Variants in KCNH6 observed in about 807,000 individuals in gnomAD.
KCNH6 encodes potassium voltage-gated channel subfamily H member 6.
Under a neutral mutation model 83.4 loss-of-function variants are expected in KCNH6, and 81 were observed. The observed-to-expected ratio is 0.97, with a 90% CI of 0.81 to 1.17. The LOEUF (loss-of-function observed/expected upper bound fraction) is 1.17, where lower values mean the gene tolerates loss of function less well. Ranked by LOEUF, KCNH6 falls within the 50% of genes most tolerant of loss-of-function variation. The pLI is 0.00. For synonymous variants in KCNH6, 503 were observed against 545.6 expected, an observed-to-expected ratio of 0.92 and a Z score of 1.09; for missense variants, 1,203 against 1,290.5, an observed-to-expected ratio of 0.93 and a Z score of 1.04.
chr17:63,547,926 T>C (rs1267437756), downstream of KCNH6, among the ~76,000 whole-genome samples: 3 of 148,218 alleles, frequency 2.0e-5, no homozygotes, highest in African/African-American at 7.6e-5. Context: ...TTCATGCAAC[T>C]GTACTCCAGC....
Position 63,545,854 on chromosome 17 carries a change from C to T in KCNH6, c.2829C>T (p.Phe943=), listed in dbSNP as rs201808060. ...GCTCTGTTCCCAAGCAGCTGGACTT[C>T]CAGAGACATGGCTCAGATCCTGGAT... ...HLGSVPKQLD[F]QRHGSDPGFA... The change falls in exon 13 of 13, where the codon TTC becomes TTT. Residue 943 remains phenylalanine (F), a synonymous_variant. Transcript: ENST00000314672. 1.2e-6 allele frequency: 2 copies of T among 1,614,104 alleles called. No homozygotes were observed. Among genetic ancestry groups the T allele is most frequent in the South Asian group, 2.2e-5 (2 of 91,078 alleles).
chr17:63,523,578 G>A lies in KCNH6; in HGVS notation c.76+89G>A, dbSNP rs997432823. ...TGGACCCCTTTACTAACTTCTAACC[G>A]GGCAAGGTGGTGAGTGCCGGGTGCT... On this transcript the variant is annotated intron_variant, in intron 1 of 12. Coordinates refer to ENST00000314672, the MANE Select transcript of KCNH6 (RefSeq NM_001278919.2). This position sits in a 1 kb window ranked among gnomAD's most constrained non-coding sequence, Gnocchi z 4.2. 52 of 1,247,914 alleles carry A rather than the reference G, an allele frequency of 4.2e-5. No homozygotes were observed. Among genetic ancestry groups the A allele is most frequent in the Non-Finnish European group, 5.8e-5 (52 of 894,050 alleles). The allele number at this position is 1,247,914 out of a possible 1,614,324, so 77.3% of individuals were successfully genotyped here.
In KCNH6 at chr17:63,533,503, T is replaced by C. The variant is rs11654107; in HGVS notation, c.676-383T>C. 0.33 allele frequency among the ~76,000 whole-genome samples: 49,587 copies of C among 151,858 alleles called. 8,226 individuals are homozygous for C. The highest frequency in any genetic ancestry group is 0.41 in the Middle Eastern group (122 of 294). On this transcript the variant is annotated intron_variant, in intron 4 of 12. Coordinates refer to ENST00000314672, the MANE Select transcript of KCNH6 (RefSeq NM_001278919.2). This position sits in a 1 kb window ranked among gnomAD's most constrained non-coding sequence, Gnocchi z 4.1. ...AAGCTCACCAGAGAGGATCAGCCCA[T>C]CAGCTACCCCTTCTGTGGGCTCTTG...
At position 63,535,018 on chromosome 17, in the gene KCNH6, G is replaced by A. The variant is rs905484337; in HGVS notation, c.1102-651G>A. On this transcript the variant is annotated intron_variant, in intron 5 of 12. Coordinates refer to ENST00000314672, the MANE Select transcript of KCNH6 (RefSeq NM_001278919.2). This position sits in a 1 kb window ranked among gnomAD's most constrained non-coding sequence, Gnocchi z 4.9. Reference sequence around the variant, plus strand: ...CCATCACCAAACTTGCCAGTCTCCCGCCCCTCCACACAGCTGCCACAGCGA... The same window carrying A: ...CCATCACCAAACTTGCCAGTCTCCCACCCCTCCACACAGCTGCCACAGCGA... Among the ~76,000 whole-genome samples, 1 of 151,912 alleles carries A rather than the reference G, an allele frequency of 6.6e-6. No individual in the cohort carries two copies. Among genetic ancestry groups the A allele is most frequent in the Admixed American group, 6.6e-5 (1 of 15,264 alleles).
At position 63,534,155 on chromosome 17, in the gene KCNH6, C is replaced by T. The variant is rs754609560; in HGVS notation, c.945C>T (p.Ile315=). 1.7e-5 allele frequency: 28 copies of T among 1,602,362 alleles called. No homozygotes were observed. The highest frequency in any genetic ancestry group is 6.8e-5 in the African/African-American group (5 of 73,554). ...TGGACATCATGTTCGTCGTGGACAT[C>T]GTCATCAACTTCCGCACCACCTATG... ...LIVDIMFVVD[I]VINFRTTYVN... Residue 315 remains isoleucine, a synonymous_variant, in exon 5 of 13, where the codon ATC becomes ATT. Coordinates refer to ENST00000314672, the MANE Select transcript of KCNH6 (RefSeq NM_001278919.2). This position sits in a 1 kb window ranked among gnomAD's most constrained non-coding sequence, Gnocchi z 5.0.
rs2031986036 is a variant in KCNH6 at position 63,530,110 on chromosome 17, G to A, written c.327G>A (p.Leu109=). ...TCGCAGCCTCCAGCTTCCGCTGCCT[G>A]GTAGATGTGGTGCCCGTGAAGAACG... ...YRKDASSFRC[L]VDVVPVKNED... Residue 109 remains leucine (L), a synonymous_variant, in exon 3 of 13, where the codon CTG becomes CTA. Coordinates refer to ENST00000314672, the MANE Select transcript of KCNH6 (RefSeq NM_001278919.2). 1 of 1,613,546 alleles carries A rather than the reference G, an allele frequency of 6.2e-7. No homozygotes were observed. Among genetic ancestry groups the A allele is most frequent in the Non-Finnish European group, 8.5e-7 (1 of 1,180,034 alleles).
At chr17:63,536,952 C>CAAAAAAAAAA (rs60039258) in intron 6 of KCNH6, among the ~76,000 whole-genome samples, 2 of 56,510 alleles carry the variant, frequency 3.5e-5, no homozygotes, top group Non-Finnish European at 6.0e-5. Context: ...GACTCCGTCT[C>CAAAAAAAAAA]AAAAAAAAAA....
In KCNH6 at chr17:63,546,072, A is replaced by C; in HGVS notation, c.*170A>C. 1 of 592,060 alleles carries C rather than the reference A, an allele frequency of 1.7e-6. No homozygotes were observed. Among genetic ancestry groups the C allele is most frequent in the Non-Finnish European group, 2.9e-6 (1 of 343,584 alleles). The allele number at this position is 592,060 out of a possible 1,614,324, so 36.7% of individuals were successfully genotyped here. On this transcript the variant is annotated 3_prime_UTR_variant, in exon 13 of 13. Coordinates refer to ENST00000314672, the MANE Select transcript of KCNH6 (RefSeq NM_001278919.2). Reference sequence around the variant, plus strand: ...ACACGGTGAAACCCCACCTCTACTAAAATTAAAAAAGAAAAAAAATAGCCG... The same window carrying C: ...ACACGGTGAAACCCCACCTCTACTACAATTAAAAAAGAAAAAAAATAGCCG...
intron 8 of KCNH6, among the ~76,000 whole-genome samples, chr17:63,540,126 C>T (rs147913452): frequency 2.2e-4 from 33 of 152,304 alleles, no homozygotes; most frequent in African/African-American, 7.9e-4. Context: ...TCCCTCACTC[C>T]CAGCCTACCT....
chr17:63,524,418 G>C (rs1190665788), intron 2 of KCNH6, 49 bp downstream of exon 2: 1 of 1,532,928 alleles, frequency 6.5e-7, no homozygotes, highest in East Asian at 2.3e-5. Flanking sequence ...TTGGCCCTCT[G>C]TCTTGTCCAG....
Position 63,545,890 on chromosome 17 carries a change from T to C in KCNH6, c.2865T>C (p.Ser955=), listed in dbSNP as rs1477700856. The C allele has an allele frequency of 1.5e-5, 24 of 1,613,560 alleles. No homozygotes were observed. The highest frequency in any genetic ancestry group is 1.9e-5 in the Non-Finnish European group (23 of 1,179,890). Residue 955 remains serine, a synonymous_variant, in exon 13 of 13, where the codon AGT becomes AGC. Transcript: ENST00000314672. ...GCTCAGATCCTGGATTTGCAGGGAG[T>C]TGGGGCCACTGAACTCCAAGATAAA... is the stretch of plus-strand genomic sequence containing the variant. ...RHGSDPGFAG[S]WGH is the part of the protein sequence containing the mutation.
intron 2 of KCNH6, among the ~76,000 whole-genome samples, chr17:63,525,221 G>A (rs1455871203): frequency 6.6e-6 from 1 of 152,224 alleles, no homozygotes; most frequent in Non-Finnish European, 1.5e-5. Flanking sequence ...CTGATGTCCT[G>A]CTTACTTTAG....
rs1257117517 is a variant in KCNH6 at position 63,543,620 on chromosome 17, C to T, written c.2193C>T (p.Ser731=). The T allele has an allele frequency of 6.2e-7, 1 of 1,613,184 alleles. No individual in the cohort carries two copies. Among genetic ancestry groups the T allele is most frequent in the Non-Finnish European group, 8.5e-7 (1 of 1,179,612 alleles). Residue 731 remains serine (S), a synonymous_variant, in exon 10 of 13, where the codon AGC becomes AGT. Coordinates refer to ENST00000314672, the MANE Select transcript of KCNH6 (RefSeq NM_001278919.2). The part of the protein sequence containing the change: ...LHSSPRQAPG[S]QDHQGFFLSD... ...CATCCCCCCGACAGGCTCCTGGCAG[C>T]CAAGACCACCAAGGTTTCTTTCTCA...
intron 11 of KCNH6, among the ~76,000 whole-genome samples, 155 bp downstream of exon 11, chr17:63,544,566 A>G (rs555165350): frequency 6.6e-6 from 1 of 151,648 alleles, no homozygotes; most frequent in South Asian, 2.1e-4. Flanking sequence ...TCCCCCAATG[A>G]CTTCCCCTAG....
intron 1 of KCNH6, 50 bp from the exon 2 acceptor site, chr17:63,524,089 C>T (rs780459569): frequency 3.8e-6 from 5 of 1,309,892 alleles, no homozygotes; most frequent in African/African-American, 2.9e-5. Flanking sequence ...CCCTCCCAGC[C>T]GCTGGATCCT....
rs2033139516 is a variant in KCNH6 at position 63,546,195 on chromosome 17, G to A, written c.*293G>A. 6 of 245,916 alleles carry A rather than the reference G, an allele frequency of 2.4e-5. No homozygotes were observed. Among genetic ancestry groups the A allele is most frequent in the East Asian group, 1.7e-4 (2 of 11,780 alleles). 15.2% of individuals were successfully genotyped at this position (245,916 alleles called of 1,614,324 possible). Reference sequence around the variant, plus strand: ...GTGGAGGTTGCAGGGAGCCGAGGCCGCACCACTGCACTCCAGCCTGGGTGA... The same window carrying A: ...GTGGAGGTTGCAGGGAGCCGAGGCCACACCACTGCACTCCAGCCTGGGTGA... On this transcript the variant is annotated 3_prime_UTR_variant, in exon 13 of 13. Transcript: ENST00000314672.
rs776158588 is a variant in KCNH6, at chr17:63,524,151, T to C, written c.89T>C (p.Leu30Pro). The change falls in exon 2 of 13, where the codon CTG (leucine) becomes CCG (proline). Residue 30 changes from leucine (L) to proline (P), a missense_variant. By Grantham distance (98) the Leu-to-Pro change is moderately conservative (BLOSUM62 -3). Transcript: ENST00000314672. ...CCTCCCACCCCAGGTCGGAAGTTCC[T>C]GATTGCCAATGCTCAGATGGAGAAC... ...RKFEGQSRKF[L>P]IANAQMENCA... 2 of 1,613,446 alleles carry C rather than the reference T, an allele frequency of 1.2e-6. No individual in the cohort carries two copies. Among genetic ancestry groups the C allele is most frequent in the Admixed American group, 1.7e-5 (1 of 60,016 alleles).
At chr17:63,530,617 CCCTTCTGGGG>C in intron 4 of KCNH6, 75 bp downstream of exon 4, 1 of 1,370,794 alleles carries the variant, frequency 7.3e-7, no homozygotes. Flanking sequence ...TGGGCCCAGG[CCCTTCTGGGG>C]CCTTGGCCGA....
downstream of KCNH6, among the ~76,000 whole-genome samples, chr17:63,547,939 G>A (rs895511575): frequency 1.3e-5 from 2 of 148,756 alleles, no homozygotes; most frequent in South Asian, 4.2e-4. Context: ...ACTCCAGCCC[G>A]GGTAACAGAG....
Sources: gnomAD v4.1 joint callset for allele counts (sites outside exome capture counted in the v4.1 genomes callset) on GRCh38, gnomAD v4.1.1 for gene constraint, Gnocchi (gnomAD v3.1) non-coding constraint, MANE v1.5 for transcripts, NCBI Gene and HGNC (gene_info 2026-07-23, HGNC 2026-07-21) for gene names.